ADH4: variants seen among roughly 807,000 people sequenced by gnomAD.
ADH4 encodes the protein all-trans-retinol dehydrogenase [NAD(+)] ADH4.
A neutral mutation model predicts 35.2 loss-of-function variants in ADH4; 31 were observed. The observed-to-expected ratio is 0.88, with a 90% CI of 0.66 to 1.19. The LOEUF is 1.19. ADH4 is among the 50% of genes most tolerant of loss of function. ADH4 has a pLI of 0.00. For missense variants in ADH4, 476 were observed against 458.3 expected (o/e 1.04, Z -0.35); for synonymous variants, 171 against 160.2 (o/e 1.07, Z -0.51).
chr4:99,139,389 C>T (rs957282562), intron 3 of ADH4, among the ~76,000 whole-genome samples: 2 of 152,166 alleles, frequency 1.3e-5, no homozygotes, highest in South Asian at 4.1e-4. Flanking sequence ...TTGATATCAT[C>T]AGATACAGAA....
At chr4:99,131,030 A>G (rs1486744601) in intron 6 of ADH4, among the ~76,000 whole-genome samples, 1 of 152,194 alleles carries the variant, frequency 6.6e-6, no homozygotes, top group East Asian at 1.9e-4. Context: ...ATCTTTGGCT[A>G]AAGAATGCTG....
chr4:99,142,273 C>G (rs1729649798), intron 2 of ADH4, among the ~76,000 whole-genome samples: 1 of 152,190 alleles, frequency 6.6e-6, no homozygotes, highest in Non-Finnish European at 1.5e-5. Flanking sequence ...ATACCCAGGA[C>G]CCTTCGGCTG....
intron 8 of ADH4, among the ~76,000 whole-genome samples, chr4:99,125,778 ATCT>A (rs1200834520): frequency 1.3e-5 from 2 of 152,278 alleles, no homozygotes; most frequent in South Asian, 2.1e-4. Context: ...CCATGAAACT[ATCT>A]TCTTCTTCTG....
Position 99,139,044 on chromosome 4 carries a change from CAGTGTAG to C in ADH4, c.350+10_350+16del. 1 of 1,574,928 alleles carries C rather than the reference CAGTGTAG, an allele frequency of 6.3e-7. No individual in the cohort carries two copies. The highest frequency in any genetic ancestry group is 8.7e-7 in the Non-Finnish European group (1 of 1,149,490). ...TCATTCAAATTTATACTAATACTAACAGTGTAGAGTGCTTACCTGATTTTCCCACACA... is the reference window on the plus strand; with the variant it reads ...TCATTCAAATTTATACTAATACTAACAGTGCTTACCTGATTTTCCCACACA... On this transcript the variant is annotated intron_variant, in intron 4 of 8. Transcript: ENST00000265512.
In ADH4 at chr4:99,139,158, A is replaced by G. The variant is rs754973734; in HGVS notation, c.263-10T>C. 3 of 1,602,408 alleles carry G rather than the reference A, an allele frequency of 1.9e-6. No homozygotes were observed. The highest frequency in any genetic ancestry group is 3.3e-5 in the Admixed American group (2 of 59,794). On this transcript the variant is annotated splice_polypyrimidine_tract_variant and intron_variant, in intron 3 of 8. Coordinates refer to ENST00000265512, the MANE Select transcript of ADH4 (RefSeq NM_000670.5). ...GGAATTACTTTGTCACCTAGAAAGA[A>G]AGGCCATATGTTGGATGGTGCCTAA...
intron 4 of ADH4, among the ~76,000 whole-genome samples, chr4:99,137,718 T>A (rs1361113696): frequency 6.6e-6 from 1 of 152,196 alleles, no homozygotes; most frequent in African/African-American, 2.4e-5. Context: ...ATGTCCCAGC[T>A]CCAGTAACCA....
rs2110506639 is a variant in ADH4, at chr4:99,142,674, CTT to C, written c.120+3_120+4del. 6.4e-7 allele frequency: 1 copy of C among 1,561,102 alleles called. No homozygotes were observed. Among genetic ancestry groups the C allele is most frequent in the South Asian group, 1.2e-5 (1 of 81,180 alleles). On this transcript the variant is annotated splice_donor_region_variant and intron_variant, in intron 2 of 8. Transcript: ENST00000265512. ...TGTTCCCACCCAAGGAAAGTCTCCA[CTT>C]ACCTGAATGCGAACTTCATGAGCCT...
chr4:99,131,184 C>G (rs1247470159), intron 6 of ADH4, among the ~76,000 whole-genome samples: 1 of 152,028 alleles, frequency 6.6e-6, no homozygotes, highest in Non-Finnish European at 1.5e-5. Flanking sequence ...AATATTATCT[C>G]CAGACAAATA....
chr4:99,136,346 A>T, intron 5 of ADH4, 120 bp downstream of exon 5: 2 of 763,174 alleles, frequency 2.6e-6, no homozygotes, highest in South Asian at 1.7e-5. Context: ...TAACTTGCTT[A>T]AAATCACAGA....
At chr4:99,133,265 C>A (rs897859470) in intron 5 of ADH4, among the ~76,000 whole-genome samples, 1 of 152,160 alleles carries the variant, frequency 6.6e-6, no homozygotes, top group Non-Finnish European at 1.5e-5. Flanking sequence ...ATTGCCCCCA[C>A]AATTTGCAAG....
chr4:99,126,752 C>A lies in ADH4; in HGVS notation c.980-20G>T. The stretch of plus-strand genomic sequence containing the variant: ...TCCAACCTGTAATGTGGACAAAATG[C>A]AAAATAAAGACATGGCACTTGACAC... On this transcript the variant is annotated intron_variant, in intron 7 of 8. Transcript: ENST00000265512. 1.3e-6 allele frequency: 2 copies of A among 1,571,044 alleles called. No homozygotes were observed. The highest frequency in any genetic ancestry group is 2.3e-5 in the East Asian group (1 of 44,322).
rs1227885340 is a variant in ADH4 at position 99,141,688 on chromosome 4, A to G, written c.121-6T>C. On this transcript the variant is annotated splice_region_variant and splice_polypyrimidine_tract_variant and intron_variant, in intron 2 of 8. Transcript: ENST00000265512. Reference sequence around the variant, plus strand: ...CACAGAGAGGTAGCAATGATCTACAAGGCAATCACAGACTTTAATTGTGTT... The same window carrying G: ...CACAGAGAGGTAGCAATGATCTACAGGGCAATCACAGACTTTAATTGTGTT... 6.2e-7 allele frequency: 1 copy of G among 1,612,526 alleles called. No individual in the cohort carries two copies. Among genetic ancestry groups the G allele is most frequent in the South Asian group, 1.1e-5 (1 of 90,934 alleles).
At chr4:99,137,222 G>A (rs868529422) in intron 4 of ADH4, among the ~76,000 whole-genome samples, 4 of 148,956 alleles carry the variant, frequency 2.7e-5, no homozygotes, top group African/African-American at 7.4e-5. Flanking sequence ...CCGCCTCCTG[G>A]GTTCAAGGAA....
intron 3 of ADH4, among the ~76,000 whole-genome samples, chr4:99,139,878 C>A (rs1462046626): frequency 6.6e-6 from 1 of 152,186 alleles, no homozygotes; most frequent in African/African-American, 2.4e-5. Context: ...ATTGGCCAGA[C>A]TCCTTCATTG....
At chr4:99,132,010 G>C (rs1729295536) in intron 5 of ADH4, among the ~76,000 whole-genome samples, 1 of 152,138 alleles carries the variant, frequency 6.6e-6, no homozygotes, top group African/African-American at 2.4e-5. Context: ...TAATTCCCTT[G>C]TTTTACTTTT....
At chr4:99,134,074 T>C (rs566413421) in intron 5 of ADH4, among the ~76,000 whole-genome samples, 3 of 152,284 alleles carry the variant, frequency 2.0e-5, no homozygotes, top group African/African-American at 7.2e-5. Flanking sequence ...GAAAGACAGA[T>C]ACTGCATGAT....
chr4:99,142,250 T>C (rs961302936), intron 2 of ADH4, among the ~76,000 whole-genome samples: 1 of 152,200 alleles, frequency 6.6e-6, no homozygotes, highest in East Asian at 1.9e-4. Flanking sequence ...CCTACTCCTG[T>C]CCCTTCCTCT....
chr4:99,143,695 A>C (rs1729710044), intron 1 of ADH4, among the ~76,000 whole-genome samples: 1 of 143,290 alleles, frequency 7.0e-6, no homozygotes, highest in African/African-American at 2.5e-5. Context: ...CAAATGAAGT[A>C]TATATTAATT....
At chr4:99,125,474 GA>G in intron 8 of ADH4, among the ~76,000 whole-genome samples, 1 of 152,210 alleles carries the variant, frequency 6.6e-6, no homozygotes, top group South Asian at 2.1e-4. Context: ...AATTCTAGGA[GA>G]AAAGGTTTGT....
Sources: gnomAD v4.1 joint callset for allele counts (sites outside exome capture counted in the v4.1 genomes callset) on GRCh38, gnomAD v4.1.1 for gene constraint, MANE v1.5 for transcripts, NCBI Gene and HGNC (gene_info 2026-07-23, HGNC 2026-07-21) for gene names.